The following SGCZ variants were observed in gnomAD, a reference collection of about 807,000 sequenced individuals.
SGCZ encodes sarcoglycan zeta.
SGCZ carries 40 observed loss-of-function variants against 41.3 expected under a neutral mutation model. The ratio of observed to expected loss-of-function variants is 0.97; its 90% CI spans 0.75 to 1.26. SGCZ has a LOEUF of 1.26. Ranked by LOEUF, SGCZ falls within the 50% of genes most tolerant of loss-of-function variation. The pLI is 0.00. For missense variants in SGCZ, 552 were observed against 369.8 expected, an observed-to-expected ratio of 1.49 and a Z score of -4.04; for synonymous variants, 206 against 137.5, an observed-to-expected ratio of 1.50 and a Z score of -3.49.
At chr8:14,467,740 C>T (rs1407295012) in intron 2 of SGCZ, among the ~76,000 whole-genome samples, 1 of 151,924 alleles carries the variant, frequency 6.6e-6, no homozygotes, top group Non-Finnish European at 1.5e-5. Flanking sequence ...CCAGAATCCT[C>T]CTCATGTGCT....
intron 2 of SGCZ, among the ~76,000 whole-genome samples, chr8:14,491,879 G>GAGT (rs1251571358): frequency 2.0e-5 from 3 of 152,086 alleles, no homozygotes; most frequent in Admixed American, 1.3e-4. Context: ...TCAAAAATAT[G>GAGT]TCTGAAGCCT....
intron 1 of SGCZ, among the ~76,000 whole-genome samples, chr8:15,139,190 C>G (rs779461031): frequency 2.7e-4 from 41 of 152,218 alleles, no homozygotes; most frequent in Non-Finnish European, 5.4e-4. Flanking sequence ...AGCATCAAAA[C>G]CAAATTTCCC....
At chr8:14,108,007 T>G (rs1181027559) in intron 6 of SGCZ, among the ~76,000 whole-genome samples, 156 bp downstream of exon 6, 1 of 152,154 alleles carries the variant, frequency 6.6e-6, no homozygotes, top group Non-Finnish European at 1.5e-5. Flanking sequence ...TTTTCTTTTT[T>G]TTTCCACATT....
At chr8:15,197,244 C>T (rs903953356) in intron 1 of SGCZ, among the ~76,000 whole-genome samples, 17 of 152,172 alleles carry the variant, frequency 1.1e-4, no homozygotes, top group African/African-American at 4.1e-4. Flanking sequence ...TGTCTGAGCA[C>T]ATAGTGAAAG....
chr8:14,702,886 A>T lies in SGCZ; in HGVS notation c.40-147960T>A, dbSNP rs1011334187. Among the ~76,000 whole-genome samples the T allele has an allele frequency of 8.7e-5, 12 of 137,716 alleles. 1 individual carries two copies. Among genetic ancestry groups the T allele is most frequent in the African/African-American group, 3.0e-4 (10 of 33,690 alleles). 90.3% of individuals were successfully genotyped at this position (137,716 alleles called of 152,430 possible). A position where few individuals can be genotyped will look rare whatever the true frequency, so the allele number is the denominator to read the frequency against. ...ATAGATAGATAGATAGATAGATAAA[A>T]AGATAGATAGACAGGCAGACAGGTA... is the stretch of plus-strand genomic sequence containing the variant. On this transcript the variant is annotated intron_variant, in intron 1 of 7. Transcript: ENST00000382080.
At chr8:14,811,770 T>C (rs1383649885) in intron 1 of SGCZ, among the ~76,000 whole-genome samples, 1 of 151,982 alleles carries the variant, frequency 6.6e-6, no homozygotes, top group Non-Finnish European at 1.5e-5. Flanking sequence ...CACATGAAGA[T>C]ATTCACTCAA....
intron 1 of SGCZ, among the ~76,000 whole-genome samples, chr8:14,839,092 T>C (rs1320255022): frequency 6.6e-6 from 1 of 152,190 alleles, no homozygotes; most frequent in Non-Finnish European, 1.5e-5. Context: ...GGGAGAAGAC[T>C]GAATTCAGGA....
chr8:14,090,679 T>A, intron 7 of SGCZ, 42 bp from the exon 8 acceptor site: 1 of 1,559,818 alleles, frequency 6.4e-7, no homozygotes, highest in Non-Finnish European at 8.7e-7. Flanking sequence ...ATTTTAGAAA[T>A]GTAGCATCGA....
chr8:14,949,761 T>A (rs1274452211), intron 1 of SGCZ, among the ~76,000 whole-genome samples: 1 of 152,094 alleles, frequency 6.6e-6, no homozygotes, highest in Non-Finnish European at 1.5e-5. Context: ...ATTATAAAGT[T>A]TTGTTTTGCT....
chr8:14,784,525 G>C (rs1800692231), intron 1 of SGCZ, among the ~76,000 whole-genome samples: 1 of 151,938 alleles, frequency 6.6e-6, no homozygotes, highest in South Asian at 2.1e-4. Context: ...TGATGAACTG[G>C]TAGTACCATT....
In SGCZ at chr8:14,963,808, T is replaced by C. The variant is rs150544768; in HGVS notation, c.39+273777A>G. Reference sequence around the variant, plus strand: ...ATTTCACTACTTACAAGACTGTTTATTCCTCTGTAGGAGAGATCACTCATT... The same window carrying C: ...ATTTCACTACTTACAAGACTGTTTACTCCTCTGTAGGAGAGATCACTCATT... On this transcript the variant is annotated intron_variant, in intron 1 of 7. Transcript: ENST00000382080. Among the ~76,000 whole-genome samples the C allele has an allele frequency of 4.9e-3, 744 of 152,336 alleles. 6 individuals are homozygous for C. The highest frequency in any genetic ancestry group is 0.017 in the African/African-American group (720 of 41,582).
At chr8:15,188,394 G>A (rs1181330401) in intron 1 of SGCZ, among the ~76,000 whole-genome samples, 1 of 152,110 alleles carries the variant, frequency 6.6e-6, no homozygotes, top group Non-Finnish European at 1.5e-5. Context: ...TTAATCTATA[G>A]ATCTACATTA....
At position 14,387,730 on chromosome 8, in the gene SGCZ, T is replaced by A. The variant is rs80203278; in HGVS notation, c.235-63526A>T. 2.3e-3 allele frequency among the ~76,000 whole-genome samples: 344 copies of A among 152,094 alleles called. 8 individuals carry two copies. The East Asian group carries it at 0.049, about 22-fold the overall frequency. ...AGTACATTAATCAATTAATACATATTTTAAAAATATATAATTTTATTATTG... is the reference window on the plus strand; with the variant it reads ...AGTACATTAATCAATTAATACATATATTAAAAATATATAATTTTATTATTG... On this transcript the variant is annotated intron_variant, in intron 2 of 7. Transcript: ENST00000382080.
intron 4 of SGCZ, among the ~76,000 whole-genome samples, chr8:14,222,629 ATTATT>A (rs1806237980): frequency 6.6e-6 from 1 of 151,900 alleles, no homozygotes; most frequent in Admixed American, 6.6e-5. Flanking sequence ...TTTTTTTCCC[ATTATT>A]TATTGTTTTG....
chr8:14,338,868 G>A (rs1415404496), intron 2 of SGCZ, among the ~76,000 whole-genome samples: 1 of 152,094 alleles, frequency 6.6e-6, no homozygotes, highest in Non-Finnish European at 1.5e-5. Context: ...TAAGGAGCAG[G>A]TAAGAAAAGG....
At chr8:14,330,288 A>C (rs1802266178) in intron 2 of SGCZ, among the ~76,000 whole-genome samples, 1 of 152,026 alleles carries the variant, frequency 6.6e-6, no homozygotes, top group South Asian at 2.1e-4. Context: ...TGGTTAGTAA[A>C]ATGCTTGATT....
chr8:15,190,875 A>T (rs1022654388), intron 1 of SGCZ, among the ~76,000 whole-genome samples: 1 of 152,074 alleles, frequency 6.6e-6, no homozygotes, highest in Non-Finnish European at 1.5e-5. Flanking sequence ...TAATTCAATC[A>T]CAACTGGAAA....
chr8:14,153,393 C>G (rs1803773012), intron 5 of SGCZ, among the ~76,000 whole-genome samples: 1 of 152,116 alleles, frequency 6.6e-6, no homozygotes, highest in African/African-American at 2.4e-5. Context: ...CAGCCTACCT[C>G]TGAATACCAG....
chr8:14,182,473 G>C (rs1341144969), intron 4 of SGCZ, among the ~76,000 whole-genome samples: 1 of 152,118 alleles, frequency 6.6e-6, no homozygotes, highest in African/African-American at 2.4e-5. Flanking sequence ...TGCCATCCAG[G>C]AGTGCCCTGT....
Sources: allele counts gnomAD v4.1 joint callset (sites outside exome capture counted in the v4.1 genomes callset), GRCh38; gene constraint gnomAD v4.1.1; transcripts MANE v1.5; gene names NCBI Gene and HGNC (gene_info 2026-07-23, HGNC 2026-07-21).